Variants in FAAP100 observed in about 807,000 individuals in gnomAD.
FAAP100 encodes FA core complex associated protein 100.
Under a neutral mutation model 65.8 loss-of-function variants are expected in FAAP100, and 46 were observed. That is an observed-to-expected ratio of 0.70 (90% confidence interval 0.55 to 0.89). The LOEUF is 0.89. Among genes scored for constraint, FAAP100 ranks in the 40% least tolerant of loss-of-function variants. The probability of loss-of-function intolerance (pLI) is 0.00; values close to 1 mark genes in which losing one functional copy is unlikely to be tolerated. For missense variants in FAAP100, 1,165 were observed against 1,196.7 expected (o/e 0.97, Z 0.39); for synonymous variants, 663 against 555.1 (o/e 1.19, Z -2.73).
chr17:81,545,907 G>A, intron 5 of FAAP100, 25 bp from the exon 6 acceptor site: 1 of 1,593,572 alleles, frequency 6.3e-7, no homozygotes, highest in Non-Finnish European at 8.5e-7. Context: ...TCAGCCGAGA[G>A]CTCAGCCTGA....
intron 4 of FAAP100, 64 bp downstream of exon 4, chr17:81,549,142 C>T (rs2033407467): frequency 1.3e-6 from 2 of 1,582,706 alleles, no homozygotes; most frequent in Non-Finnish European, 1.7e-6. Flanking sequence ...CGACCCCACA[C>T]AGGGACGCTA....
In FAAP100 at chr17:81,550,253, T is replaced by G. The variant is rs547635628; in HGVS notation, c.1241A>C (p.His414Pro). Residue 414 changes from histidine to proline, a missense_variant, in exon 3 of 9, where the codon CAT (histidine) becomes CCT (proline). By Grantham distance (77) the His-to-Pro change is moderately conservative. Transcript: ENST00000327787. ...VVSLSASPRT[H>P]EGGTKLLALS... Reference sequence around the variant, plus strand: ...TTTTAGACAGCAGCTCATACCTTCATGCGTCCTGGGAGACGCGGACAGCGA... The same window carrying G: ...TTTTAGACAGCAGCTCATACCTTCAGGCGTCCTGGGAGACGCGGACAGCGA... The G allele has an allele frequency of 6.9e-6, 11 of 1,596,478 alleles. No individual in the cohort carries two copies. Among genetic ancestry groups the G allele is most frequent in the African/African-American group, 4.0e-5 (3 of 74,392 alleles).
At chr17:81,544,193 A>C in intron 6 of FAAP100, 73 bp from the exon 7 acceptor site, 1 of 1,263,146 alleles carries the variant, frequency 7.9e-7, no homozygotes, top group East Asian at 2.3e-5. Flanking sequence ...GCTACACAGG[A>C]GCCTCCCCAG....
chr17:81,547,481 C>G lies in FAAP100; in HGVS notation c.1601G>C (p.Ser534Thr). The change falls in exon 5 of 9, where the codon AGC becomes ACC. Residue 534 changes from serine to threonine, a missense_variant. Physicochemically the swap from Ser to Thr is moderately conservative, Grantham distance 58. Transcript: ENST00000327787. ...GGTCCACCCCTGGTCCAGGCTGAAG[C>G]TGCTGCTGTTCTCTAGCACGCAGGT... is the stretch of plus-strand genomic sequence containing the variant. The part of the protein sequence containing the change: ...MATCVLENSS[S>T]FSLDQGWTLC... 6.2e-7 allele frequency: 1 copy of G among 1,613,318 alleles called. No homozygotes were observed. Among genetic ancestry groups the G allele is most frequent in the Non-Finnish European group, 8.5e-7 (1 of 1,180,036 alleles).
Position 81,552,047 on chromosome 17 carries a change from C to G in FAAP100, c.171G>C (p.Ala57=). The G allele has an allele frequency of 6.6e-7, 1 of 1,521,676 alleles. No homozygotes were observed. The highest frequency in any genetic ancestry group is 8.7e-7 in the Non-Finnish European group (1 of 1,145,608). The allele number at this position is 1,521,676 out of a possible 1,614,324, so 94.3% of individuals were successfully genotyped here. The change falls in exon 2 of 9, where the codon GCG becomes GCC. Residue 57 remains alanine (A), a synonymous_variant. Coordinates refer to ENST00000327787, the MANE Select transcript of FAAP100 (RefSeq NM_025161.6). ...YDQEGGLLTA[A]FRFPDQVWHL... is the part of the protein sequence containing the mutation. ...GCCACACCTGGTCGGGGAACCGGAA[C>G]GCCGCCTGCGGACCGGGGCGCGGGT...
rs149651108 is a variant in FAAP100 at position 81,545,735 on chromosome 17, C to T, written c.2310+11G>A. 1.6e-4 allele frequency: 258 copies of T among 1,607,386 alleles called. 1 individual carries two copies. The African/African-American group carries it at 3.0e-3, about 19-fold the overall frequency. ...TGGTGCCGTGGCTCGTTTCCCTGAACCCCTGCTTGCCTCTCGGACGATGAG... is the reference window on the plus strand; with the variant it reads ...TGGTGCCGTGGCTCGTTTCCCTGAATCCCTGCTTGCCTCTCGGACGATGAG... On this transcript the variant is annotated intron_variant, in intron 6 of 8. Coordinates refer to ENST00000327787, the MANE Select transcript of FAAP100 (RefSeq NM_025161.6).
Position 81,544,029 on chromosome 17 carries a change from T to A in FAAP100, c.2402A>T (p.His801Leu). 1 of 1,612,560 alleles carries A rather than the reference T, an allele frequency of 6.2e-7. No homozygotes were observed. The highest frequency in any genetic ancestry group is 8.5e-7 in the Non-Finnish European group (1 of 1,179,776). Residue 801 changes from histidine to leucine, a missense_variant, in exon 7 of 9, where the codon CAC becomes CTC. Physicochemically the swap from His to Leu is moderately conservative, Grantham distance 99. Coordinates refer to ENST00000327787, the MANE Select transcript of FAAP100 (RefSeq NM_025161.6). ...SSSLADICRA[H>L]HAVVGRMQTM... ...CTGCATGCGCCCGACAACGGCATGG[T>A]GCGCCCTGCAAATGTCGGCCAGAGA... is the stretch of plus-strand genomic sequence containing the variant.
At chr17:81,546,597 G>A (rs1057272102) in intron 5 of FAAP100, 5 of 326,822 alleles carry the variant, frequency 1.5e-5, no homozygotes, top group Non-Finnish European at 2.8e-5. Flanking sequence ...CAACAGCAGA[G>A]AGAACGCAGG....
chr17:81,540,399 G>A lies in FAAP100; in HGVS notation c.*420C>T, dbSNP rs1281701421. On this transcript the variant is annotated 3_prime_UTR_variant, in exon 9 of 9. Coordinates refer to ENST00000327787, the MANE Select transcript of FAAP100 (RefSeq NM_025161.6). ...TGCTCCTGGTGGTGTGGCAGCAACA[G>A]TTACAAACTCACCCCAAGTCCAAAC... The A allele has an allele frequency of 2.5e-6, 1 of 403,400 alleles. No homozygotes were observed. Among genetic ancestry groups the A allele is most frequent in the Admixed American group, 4.2e-5 (1 of 23,754 alleles). 25.0% of individuals were successfully genotyped at this position (403,400 alleles called of 1,614,324 possible).
At chr17:81,549,655 G>A (rs959652561) in intron 3 of FAAP100, among the ~76,000 whole-genome samples, 7 of 152,304 alleles carry the variant, frequency 4.6e-5, no homozygotes, top group African/African-American at 9.6e-5. Flanking sequence ...TTTCTGTGGC[G>A]AGATTTATTA....
In FAAP100 at chr17:81,550,961, TAGG is replaced by T. The variant is rs764447785; in HGVS notation, c.530_532del (p.Ser177del). On this transcript the variant is annotated inframe_deletion, in exon 3 of 9. Coordinates refer to ENST00000327787, the MANE Select transcript of FAAP100 (RefSeq NM_025161.6). ...TCCTGGGACCCCGGCTGGGGGCGTG[TAGG>T]AGGACAGCTCCACCTCACCGATCTG... is the stretch of plus-strand genomic sequence containing the variant. The T allele has an allele frequency of 4.3e-6, 7 of 1,612,018 alleles. No homozygotes were observed. The highest frequency in any genetic ancestry group is 1.1e-5 in the South Asian group (1 of 90,912).
chr17:81,544,506 C>T (rs1337084399), intron 6 of FAAP100, among the ~76,000 whole-genome samples: 4 of 152,174 alleles, frequency 2.6e-5, no homozygotes, highest in East Asian at 1.9e-4. Context: ...GGCCCAGATC[C>T]GTCCCCCCAC....
chr17:81,545,569 G>C (rs1404087327), intron 6 of FAAP100, among the ~76,000 whole-genome samples, 177 bp downstream of exon 6: 1 of 152,194 alleles, frequency 6.6e-6, no homozygotes, highest in Non-Finnish European at 1.5e-5. Flanking sequence ...GGCCCTCCCT[G>C]CCTGAGTGGG....
chr17:81,544,891 G>A (rs1186557746), intron 6 of FAAP100, among the ~76,000 whole-genome samples: 9 of 152,200 alleles, frequency 5.9e-5, no homozygotes, highest in Admixed American at 6.5e-5. Context: ...ACTCTGGGCC[G>A]GGCACAGTGG....
rs2033013948 is a variant in FAAP100 at position 81,539,906 on chromosome 17, G to C, written c.*913C>G. The C allele has an allele frequency of 2.5e-6, 1 of 398,834 alleles. No homozygotes were observed. Among genetic ancestry groups the C allele is most frequent in the Non-Finnish European group, 4.4e-6 (1 of 226,164 alleles). The allele number at this position is 398,834 out of a possible 1,614,324, so 24.7% of individuals were successfully genotyped here. A position where few individuals can be genotyped will look rare whatever the true frequency, so the allele number is the denominator to read the frequency against. ...GGCCTGAAGGTTCACGGACAGACAG[G>C]GTCGTTTGTCACAGCAGAGAAGCAC... On this transcript the variant is annotated 3_prime_UTR_variant, in exon 9 of 9. Coordinates refer to ENST00000327787, the MANE Select transcript of FAAP100 (RefSeq NM_025161.6).
chr17:81,541,222 G>A (rs1382395369), intron 8 of FAAP100, 87 bp downstream of exon 8: 52 of 1,415,794 alleles, frequency 3.7e-5, no homozygotes, highest in African/African-American at 2.5e-4. Flanking sequence ...AGGACTCTGC[G>A]GACCCCGAGT....
Position 81,540,906 on chromosome 17 carries a change from C to A in FAAP100, c.2559G>T (p.Thr853=). ...TGGCACAGGAGCTGGCCTCATCCTC[C>A]GTGCAGAGCCGGTCGCGCAGGGTCT... is the stretch of plus-strand genomic sequence containing the variant. The part of the protein sequence containing the change: ...EVQTLRDRLC[T]EDEASSCATA... The change falls in exon 9 of 9, where the codon ACG becomes ACT. Residue 853 remains threonine (T), a synonymous_variant. Coordinates refer to ENST00000327787, the MANE Select transcript of FAAP100 (RefSeq NM_025161.6). 2 of 1,590,424 alleles carry A rather than the reference C, an allele frequency of 1.3e-6. No individual in the cohort carries two copies. Among genetic ancestry groups the A allele is most frequent in the Non-Finnish European group, 1.7e-6 (2 of 1,172,754 alleles).
In FAAP100 at chr17:81,547,936, G is replaced by A. The variant is rs181373662; in HGVS notation, c.1404-258C>T. On this transcript the variant is annotated intron_variant, in intron 4 of 8. Coordinates refer to ENST00000327787, the MANE Select transcript of FAAP100 (RefSeq NM_025161.6). ...GGCCACAGGAGGAAAGAGGACAGAGGATGAAGCTGGTGCTCCGGGGACCTA... is the reference window on the plus strand; with the variant it reads ...GGCCACAGGAGGAAAGAGGACAGAGAATGAAGCTGGTGCTCCGGGGACCTA... 3.3e-4 allele frequency: 233 copies of A among 704,826 alleles called. No homozygotes were observed. In the African/African-American group the frequency reaches 3.4e-3, roughly 10 times the overall value. The allele number at this position is 704,826 out of a possible 1,614,324, so 43.7% of individuals were successfully genotyped here. A position where few individuals can be genotyped will look rare whatever the true frequency, so the allele number is the denominator to read the frequency against.
At position 81,547,065 on chromosome 17, in the gene FAAP100, G is replaced by A. The variant is rs753237609; in HGVS notation, c.2017C>T (p.Arg673Ter). Residue 673 changes from arginine to a stop codon, truncating the protein, a stop_gained, in exon 5 of 9, where the codon CGA becomes TGA. Coordinates refer to ENST00000327787, the MANE Select transcript of FAAP100 (RefSeq NM_025161.6). LOFTEE classifies it high-confidence loss of function. ...TCCAGAAAAGTGGCCACAGGGTCTC[G>A]GGTGGGGCCGAGTGGGGAGGGGGCC... ...TRAPSPLGPTRDPVATFLETC... is the reference protein window; with the variant it reads ...TRAPSPLGPT 1.1e-5 allele frequency: 17 copies of A among 1,550,368 alleles called. No individual in the cohort carries two copies. The highest frequency in any genetic ancestry group is 4.5e-5 in the East Asian group (2 of 44,336).
Sources: allele counts gnomAD v4.1 joint callset (sites outside exome capture counted in the v4.1 genomes callset), GRCh38; gene constraint gnomAD v4.1.1; transcripts MANE v1.5; gene names NCBI Gene and HGNC (gene_info 2026-07-23, HGNC 2026-07-21).